RBMS3: variants seen among roughly 807,000 people sequenced by gnomAD.
The protein encoded by RBMS3 is RNA-binding motif, single-stranded-interacting protein 3.
Under a neutral mutation model 66.8 loss-of-function variants are expected in RBMS3, and 27 were observed. The ratio of observed to expected loss-of-function variants is 0.40; its 90% CI spans 0.30 to 0.56. The LOEUF (loss-of-function observed/expected upper bound fraction) is 0.56, where lower values mean the gene tolerates loss of function less well. Among genes scored for constraint, RBMS3 ranks in the 20% least tolerant of loss-of-function variants. The pLI, the probability that RBMS3 is intolerant of heterozygous loss-of-function variation, is 0.40. For synonymous variants in RBMS3, 188 were observed against 183.0 expected, an observed-to-expected ratio of 1.03 and a Z score of -0.22; for missense variants, 513 against 549.5, an observed-to-expected ratio of 0.93 and a Z score of 0.66.
intron 9 of RBMS3, among the ~76,000 whole-genome samples, chr3:29,898,768 T>TGTGTGTGTGTGTGTGTGTG (rs1559780483): frequency 6.6e-6 from 1 of 150,582 alleles, no homozygotes; most frequent in African/African-American, 2.4e-5. Context: ...TGTGTGTGTG[T>TGTGTGTGTGTGTGTGTGTG]TTCCTTTTTT....
chr3:29,364,795 G>A (rs758029791), intron 1 of RBMS3, among the ~76,000 whole-genome samples: 4 of 152,036 alleles, frequency 2.6e-5, no homozygotes, highest in Non-Finnish European at 5.9e-5. Context: ...TAAGCTTCAG[G>A]TGCATATCCT....
intron 4 of RBMS3, among the ~76,000 whole-genome samples, chr3:29,692,340 T>C (rs1161111964): frequency 6.6e-6 from 1 of 152,104 alleles, no homozygotes. Flanking sequence ...TATATAACCA[T>C]TTAACCAAGC....
intron 10 of RBMS3, chr3:29,926,878 A>AT (rs1377463190): frequency 1.3e-5 from 2 of 152,236 alleles, no homozygotes; most frequent in Admixed American, 6.5e-5. Context: ...TTCTTATCAC[A>AT]TGACAAGGTT....
intron 4 of RBMS3, among the ~76,000 whole-genome samples, chr3:29,709,960 G>T: frequency 6.6e-6 from 1 of 152,164 alleles, no homozygotes; most frequent in East Asian, 1.9e-4. Flanking sequence ...AGGAATAGCT[G>T]AAAGACACTT....
intron 2 of RBMS3, among the ~76,000 whole-genome samples, chr3:29,449,431 C>G (rs78039554): frequency 0.043 from 6,530 of 152,268 alleles, 227 homozygotes; most frequent in Admixed American, 0.12. Context: ...TTATTATTTA[C>G]CAATGTGATA....
intron 1 of RBMS3, among the ~76,000 whole-genome samples, chr3:29,325,490 C>T (rs1393756917): frequency 6.6e-6 from 1 of 150,978 alleles, no homozygotes; most frequent in Non-Finnish European, 1.5e-5. Flanking sequence ...AGAAAACTAT[C>T]CCATTAAATG....
intron 6 of RBMS3, among the ~76,000 whole-genome samples, chr3:29,791,927 T>C (rs1269798706): frequency 1.3e-5 from 2 of 152,228 alleles, no homozygotes; most frequent in Non-Finnish European, 2.9e-5. Context: ...CTTATTTATT[T>C]TTCTAAAATC....
rs558717255 is a variant in RBMS3 at position 29,679,024 on chromosome 3, G to A, written c.400-60696G>A. 2.6e-5 allele frequency among the ~76,000 whole-genome samples: 4 copies of A among 152,114 alleles called. No individual in the cohort carries two copies. In the South Asian group the frequency reaches 6.2e-4, roughly 24 times the overall value. ...TGGTGGCTACATCAAAATGGTTTGA[G>A]CAAGCACTGCTCCAGATAGTCCTAG... On this transcript the variant is annotated intron_variant, in intron 4 of 14. Transcript: ENST00000383767.
chr3:29,905,892 T>A (rs1387831552), intron 10 of RBMS3, among the ~76,000 whole-genome samples: 1 of 152,140 alleles, frequency 6.6e-6, no homozygotes, highest in Non-Finnish European at 1.5e-5. Flanking sequence ...TGATAGGAAA[T>A]GTCCACAATA....
intron 1 of RBMS3, among the ~76,000 whole-genome samples, chr3:29,361,833 A>T (rs1315683087): frequency 6.6e-6 from 1 of 152,064 alleles, no homozygotes; most frequent in Non-Finnish European, 1.5e-5. Context: ...CTTCCAGTTG[A>T]TTGAATCGGC....
At chr3:29,939,229 CAA>C (rs1432693856) in intron 11 of RBMS3, among the ~76,000 whole-genome samples, 3 of 151,934 alleles carry the variant, frequency 2.0e-5, no homozygotes, top group Non-Finnish European at 4.4e-5. Context: ...CAAGTTCAAA[CAA>C]AAACCCTTGG....
chr3:29,559,098 G>A (rs7653511), intron 3 of RBMS3, among the ~76,000 whole-genome samples: 52,358 of 151,896 alleles, frequency 0.34, 11,032 homozygotes, highest in African/African-American at 0.58. Flanking sequence ...GCTATCCAAT[G>A]AACAAAGATA....
At chr3:29,795,325 A>T (rs975556900) in intron 6 of RBMS3, among the ~76,000 whole-genome samples, 1 of 152,238 alleles carries the variant, frequency 6.6e-6, no homozygotes. Flanking sequence ...TGTATCAGAG[A>T]TATACTCCAC....
intron 4 of RBMS3, among the ~76,000 whole-genome samples, chr3:29,611,347 T>G (rs2048485969): frequency 6.6e-6 from 1 of 151,986 alleles, no homozygotes; most frequent in Non-Finnish European, 1.5e-5. Context: ...GCCTGACCTT[T>G]CCAGAAACAT....
intron 3 of RBMS3, among the ~76,000 whole-genome samples, chr3:29,494,113 T>C (rs2043650998): frequency 6.6e-6 from 1 of 152,226 alleles, no homozygotes; most frequent in Admixed American, 6.5e-5. Flanking sequence ...GTACAGCATA[T>C]TGTGTGTAAG....
intron 10 of RBMS3, among the ~76,000 whole-genome samples, chr3:29,909,550 T>C (rs2060466752): frequency 1.3e-5 from 2 of 152,112 alleles, no homozygotes; most frequent in African/African-American, 4.8e-5. Context: ...CAGGAGTGTC[T>C]AGGGGCAGTG....
At chr3:29,342,057 C>T (rs2036311146) in intron 1 of RBMS3, among the ~76,000 whole-genome samples, 3 of 152,094 alleles carry the variant, frequency 2.0e-5, no homozygotes, top group African/African-American at 7.2e-5. Flanking sequence ...TAGCTGGTGA[C>T]TCTAGAGAAG....
At chr3:29,934,863 T>G (rs1241744336) in intron 10 of RBMS3, among the ~76,000 whole-genome samples, 2 of 152,018 alleles carry the variant, frequency 1.3e-5, no homozygotes, top group South Asian at 2.1e-4. Context: ...AGTCAGGAAG[T>G]TGAATTTCGA....
chr3:29,875,903 G>A (rs567080260), intron 7 of RBMS3, among the ~76,000 whole-genome samples: 12 of 152,188 alleles, frequency 7.9e-5, no homozygotes, highest in Admixed American at 3.3e-4. Context: ...CTGCCTGATA[G>A]CACTACGTTA....
Sources: gnomAD v4.1 joint callset for allele counts (sites outside exome capture counted in the v4.1 genomes callset) on GRCh38, gnomAD v4.1.1 for gene constraint, MANE v1.5 for transcripts, NCBI Gene and HGNC (gene_info 2026-07-23, HGNC 2026-07-21) for gene names.